The following NR3C2 variants were observed in gnomAD, a reference collection of about 807,000 sequenced individuals.
NR3C2 encodes mineralocorticoid receptor.
A neutral mutation model predicts 86.4 loss-of-function variants in NR3C2; 15 were observed. That is an observed-to-expected ratio of 0.17 (90% confidence interval 0.12 to 0.27). NR3C2 has a LOEUF of 0.27. NR3C2 is among the 10% of genes least tolerant of loss of function. The pLI, the probability that NR3C2 is intolerant of heterozygous loss-of-function variation, is 1.00. For synonymous variants in NR3C2, 458 were observed against 450.5 expected, an observed-to-expected ratio of 1.02 and a Z score of -0.21; for missense variants, 960 against 1,195.6, an observed-to-expected ratio of 0.80 and a Z score of 2.91.
intron 3 of NR3C2, among the ~76,000 whole-genome samples, chr4:148,234,751 T>C (rs1251888362): frequency 6.6e-6 from 1 of 150,914 alleles, no homozygotes; most frequent in Non-Finnish European, 1.5e-5. Context: ...AATACATGGG[T>C]TACTAGGGAG....
At chr4:148,108,839 A>C (rs984738269) in intron 8 of NR3C2, among the ~76,000 whole-genome samples, 17 of 152,206 alleles carry the variant, frequency 1.1e-4, no homozygotes, top group African/African-American at 4.1e-4. Context: ...AACAAGGTTG[A>C]CTGCCTTCAA....
intron 8 of NR3C2, among the ~76,000 whole-genome samples, chr4:148,113,606 A>C (rs1295542752): frequency 2.0e-5 from 3 of 152,204 alleles, no homozygotes; most frequent in Non-Finnish European, 4.4e-5. Context: ...TGTGTATGGC[A>C]GATGCACCTG....
chr4:148,346,060 A>G (rs4835515), intron 2 of NR3C2, among the ~76,000 whole-genome samples: 43,569 of 152,048 alleles, frequency 0.29, 6,972 homozygotes, highest in Middle Eastern at 0.41. Context: ...AGTGAGAGTG[A>G]GAAGTGAAGG....
At chr4:148,133,639 A>G (rs1405303083) in intron 6 of NR3C2, among the ~76,000 whole-genome samples, 1 of 152,184 alleles carries the variant, frequency 6.6e-6, no homozygotes, top group African/African-American at 2.4e-5. Flanking sequence ...TTGGAGTCAC[A>G]TTCATGGAGT....
intron 2 of NR3C2, among the ~76,000 whole-genome samples, chr4:148,308,823 CA>C (rs1742766187): frequency 6.6e-6 from 1 of 151,736 alleles, no homozygotes; most frequent in South Asian, 2.1e-4. Context: ...CCATCTCTAC[CA>C]AAAATACAAA....
intron 2 of NR3C2, 38 bp from the exon 3 acceptor site, chr4:148,260,155 A>G: frequency 6.2e-7 from 1 of 1,613,224 alleles, no homozygotes; most frequent in Non-Finnish European, 8.5e-7. Context: ...ACTACACCGT[A>G]AAGGCACATT....
chr4:148,131,980 A>G (rs1733063379), intron 6 of NR3C2, among the ~76,000 whole-genome samples: 1 of 152,246 alleles, frequency 6.6e-6, no homozygotes, highest in Non-Finnish European at 1.5e-5. Flanking sequence ...TACCAATGAT[A>G]GTCCTAAAAG....
intron 6 of NR3C2, among the ~76,000 whole-genome samples, chr4:148,139,293 T>C (rs1481067785): frequency 6.6e-6 from 1 of 152,192 alleles, no homozygotes; most frequent in Non-Finnish European, 1.5e-5. Flanking sequence ...TTCAAAACTT[T>C]GGGCTTTGGT....
At chr4:148,153,827 C>A (rs1734217743) in intron 5 of NR3C2, among the ~76,000 whole-genome samples, 1 of 152,088 alleles carries the variant, frequency 6.6e-6, no homozygotes. Context: ...AGGTCTCTTA[C>A]AACTTACTTG....
chr4:148,123,281 T>C (rs935637934), intron 6 of NR3C2, among the ~76,000 whole-genome samples: 5 of 152,178 alleles, frequency 3.3e-5, no homozygotes, highest in Non-Finnish European at 7.3e-5. Flanking sequence ...TTTTCTGTTG[T>C]TTAAGATGTT....
rs754758748 is a variant in NR3C2, at chr4:148,435,376, T to C, written c.1485A>G (p.Gln495=). 8.7e-6 allele frequency: 14 copies of C among 1,614,084 alleles called. No homozygotes were observed. Among genetic ancestry groups the C allele is most frequent in the Non-Finnish European group, 1.2e-5 (14 of 1,180,046 alleles). Residue 495 remains glutamine, a synonymous_variant, in exon 2 of 9, where the codon CAA becomes CAG. Transcript: ENST00000358102. The part of the protein sequence containing the change: ...EGSGFPVGIK[Q]EPDDGSYYPE... Reference sequence around the variant, plus strand: ...GGTAATAGCTCCCATCATCTGGTTCTTGTTTAATACCCACTGGGAATCCGC... The same window carrying C: ...GGTAATAGCTCCCATCATCTGGTTCCTGTTTAATACCCACTGGGAATCCGC...
chr4:148,318,242 A>G (rs1260320131), intron 2 of NR3C2, among the ~76,000 whole-genome samples: 1 of 150,660 alleles, frequency 6.6e-6, no homozygotes, highest in Admixed American at 6.6e-5. Flanking sequence ...TCCATGGTGT[A>G]TATGTGCCAC....
At chr4:148,354,293 T>C (rs1745443819) in intron 2 of NR3C2, among the ~76,000 whole-genome samples, 2 of 152,162 alleles carry the variant, frequency 1.3e-5, no homozygotes, top group Admixed American at 1.3e-4. Context: ...AAGAACACAG[T>C]ATATTATATA....
chr4:148,247,148 T>C (rs1172218160), intron 3 of NR3C2, among the ~76,000 whole-genome samples: 1 of 152,200 alleles, frequency 6.6e-6, no homozygotes, highest in Non-Finnish European at 1.5e-5. Context: ...TGGAGAAACA[T>C]ACTTTCATGT....
chr4:148,147,867 T>C (rs1345677751), intron 6 of NR3C2, among the ~76,000 whole-genome samples: 1 of 152,092 alleles, frequency 6.6e-6, no homozygotes, highest in Non-Finnish European at 1.5e-5. Context: ...ATGCTTTGAG[T>C]TTTCTAGTTC....
chr4:148,350,568 G>A (rs966365435), intron 2 of NR3C2, among the ~76,000 whole-genome samples: 4 of 152,118 alleles, frequency 2.6e-5, no homozygotes, highest in East Asian at 1.9e-4. Context: ...CAGACTACTA[G>A]AATAGTCTCC....
chr4:148,335,761 TA>T (rs58947029), intron 2 of NR3C2, among the ~76,000 whole-genome samples: 11,634 of 146,794 alleles, frequency 0.079, 696 homozygotes, highest in African/African-American at 0.17. Flanking sequence ...AAAAAGTAAT[TA>T]AAAAAAAAAA....
At chr4:148,110,468 C>T (rs1262745720) in intron 8 of NR3C2, among the ~76,000 whole-genome samples, 3 of 152,122 alleles carry the variant, frequency 2.0e-5, no homozygotes, top group Admixed American at 1.3e-4. Flanking sequence ...GAGTATAGAG[C>T]CAGCGCATTG....
intron 7 of NR3C2, among the ~76,000 whole-genome samples, 194 bp downstream of exon 7, chr4:148,119,964 C>T (rs1732440768): frequency 6.6e-6 from 1 of 152,180 alleles, no homozygotes; most frequent in Non-Finnish European, 1.5e-5. Flanking sequence ...TGCTCTTTCA[C>T]ATGCCCAAAG....
Sources: gnomAD v4.1 joint callset for allele counts (sites outside exome capture counted in the v4.1 genomes callset) on GRCh38, gnomAD v4.1.1 for gene constraint, MANE v1.5 for transcripts, NCBI Gene and HGNC (gene_info 2026-07-23, HGNC 2026-07-21) for gene names.